Variants in ZNF780B observed in about 807,000 individuals in gnomAD.
The protein encoded by ZNF780B is zinc finger protein 780B.
In ZNF780B, 52 loss-of-function variants were observed where a neutral mutation model predicts 74.1. That is an observed-to-expected ratio of 0.70 (90% confidence interval 0.56 to 0.88). The LOEUF (loss-of-function observed/expected upper bound fraction) is 0.88, where lower values mean the gene tolerates loss of function less well. Among genes scored for constraint, ZNF780B ranks in the 40% least tolerant of loss-of-function variants. ZNF780B has a pLI of 0.00. For missense variants in ZNF780B, 953 were observed against 1,007.6 expected (o/e 0.95, Z 0.73); for synonymous variants, 315 against 324.3 (o/e 0.97, Z 0.31).
In ZNF780B at chr19:40,029,947, C is replaced by T. The variant is rs989524261; in HGVS notation, c.*4410G>A. On this transcript the variant is annotated 3_prime_UTR_variant, in exon 5 of 5. Transcript: ENST00000434248. ...ATTACTACAGGTGCTTCTCAACTTA[C>T]GGGGAGTTATGTCCAAATAAACCCA... The T allele has an allele frequency of 4.6e-5, 7 of 152,142 alleles. No individual in the cohort carries two copies. The highest frequency in any genetic ancestry group is 6.5e-5 in the Admixed American group (1 of 15,276). The allele number at this position is 152,142 out of a possible 1,614,324, so 9.4% of individuals were successfully genotyped here.
chr19:40,044,747 C>A (rs1972856102), intron 4 of ZNF780B, among the ~76,000 whole-genome samples: 2 of 152,070 alleles, frequency 1.3e-5, no homozygotes, highest in South Asian at 4.1e-4. Flanking sequence ...CTAAAGAAAA[C>A]AACCAAACCA....
At chr19:40,051,458 C>T (rs1973230543) in intron 1 of ZNF780B, among the ~76,000 whole-genome samples, 1 of 152,098 alleles carries the variant, frequency 6.6e-6, no homozygotes, top group African/African-American at 2.4e-5. Flanking sequence ...TTGACCAACA[C>T]TAAGATGTCT....
intron 4 of ZNF780B, among the ~76,000 whole-genome samples, chr19:40,045,559 T>C (rs1468393112): frequency 6.6e-6 from 1 of 152,176 alleles, no homozygotes; most frequent in Non-Finnish European, 1.5e-5. Flanking sequence ...ACCAAAGGTA[T>C]GGAATCAACC....
rs997194797 is a variant in ZNF780B, at chr19:40,028,305, C to T, written c.*6052G>A. On this transcript the variant is annotated 3_prime_UTR_variant, in exon 5 of 5. Transcript: ENST00000434248. Reference sequence around the variant, plus strand: ...TTATTAGAAAATGAGTTTGCAGAGCCCCCCCATCTACCATCCAGAAGTGGA... The same window carrying T: ...TTATTAGAAAATGAGTTTGCAGAGCTCCCCCATCTACCATCCAGAAGTGGA... 5.3e-5 allele frequency: 8 copies of T among 151,978 alleles called. No individual in the cohort carries two copies. The highest frequency in any genetic ancestry group is 1.0e-4 in the Non-Finnish European group (7 of 68,008). The allele number at this position is 151,978 out of a possible 1,614,324, so 9.4% of individuals were successfully genotyped here. A position where few individuals can be genotyped will look rare whatever the true frequency, so the allele number is the denominator to read the frequency against.
chr19:40,045,293 G>C (rs2144789866), intron 4 of ZNF780B, among the ~76,000 whole-genome samples: 1 of 152,224 alleles, frequency 6.6e-6, no homozygotes, highest in South Asian at 2.1e-4. Flanking sequence ...CATCTAGAGA[G>C]AAAATTAACA....
rs1449695995 is a variant in ZNF780B, at chr19:40,030,103, T to C, written c.*4254A>G. 6.6e-6 allele frequency: 1 copy of C among 152,168 alleles called. No individual in the cohort carries two copies. Among genetic ancestry groups the C allele is most frequent in the Admixed American group, 6.5e-5 (1 of 15,276 alleles). The allele number at this position is 152,168 out of a possible 1,614,324, so 9.4% of individuals were successfully genotyped here. A position where few individuals can be genotyped will look rare whatever the true frequency, so the allele number is the denominator to read the frequency against. ...ATACTCTGACTGAGTATGTCTTAGT[T>C]TTGTGTTGCTATAAAGGAATGTCTG... is the stretch of plus-strand genomic sequence containing the variant. On this transcript the variant is annotated 3_prime_UTR_variant, in exon 5 of 5. Coordinates refer to ENST00000434248, the MANE Select transcript of ZNF780B (RefSeq NM_001005851.3).
At chr19:40,042,271 G>A (rs940709274) in intron 4 of ZNF780B, among the ~76,000 whole-genome samples, 11 of 152,302 alleles carry the variant, frequency 7.2e-5, no homozygotes, top group South Asian at 6.2e-4. Flanking sequence ...CAAGAGATCC[G>A]CTGTTAGTTT....
intron 4 of ZNF780B, among the ~76,000 whole-genome samples, chr19:40,043,702 G>A (rs4803315): frequency 3.9e-5 from 6 of 152,200 alleles, no homozygotes; most frequent in Non-Finnish European, 5.9e-5. Flanking sequence ...AGGACCCTCC[G>A]AGCCATGTGC....
intron 1 of ZNF780B, among the ~76,000 whole-genome samples, chr19:40,053,531 C>T (rs1599802096): frequency 6.6e-6 from 1 of 152,066 alleles, no homozygotes; most frequent in Admixed American, 6.6e-5. Context: ...AATAGAACCA[C>T]CATATGATCC....
At chr19:40,050,270 CCTA>C in intron 2 of ZNF780B, 51 bp downstream of exon 2, 1 of 1,564,966 alleles carries the variant, frequency 6.4e-7, no homozygotes, top group Non-Finnish European at 8.7e-7. Context: ...ATAACAGTCA[CCTA>C]ACCTAACCTG....
At chr19:40,052,347 G>A (rs1397713887) in intron 1 of ZNF780B, among the ~76,000 whole-genome samples, 5 of 151,980 alleles carry the variant, frequency 3.3e-5, no homozygotes, top group African/African-American at 7.3e-5. Context: ...CATCACCCCC[G>A]CTGAGAATCA....
At chr19:40,047,498 AT>A in intron 3 of ZNF780B, 28 bp from the exon 4 acceptor site, 3 of 1,524,382 alleles carry the variant, frequency 2.0e-6, no homozygotes, top group African/African-American at 2.8e-5. Flanking sequence ...CACATGTAGA[AT>A]TTTTTTAATA....
chr19:40,049,286 C>T (rs1046643111), intron 2 of ZNF780B, among the ~76,000 whole-genome samples: 2 of 149,582 alleles, frequency 1.3e-5, no homozygotes, highest in Non-Finnish European at 3.0e-5. Context: ...TGAGGAATGC[C>T]GTTAATCCTC....
In ZNF780B at chr19:40,036,444, T is replaced by C. The variant is rs1385311601; in HGVS notation, c.415A>G (p.Ile139Val). 32 of 1,609,086 alleles carry C rather than the reference T, an allele frequency of 2.0e-5. No individual in the cohort carries two copies. Among genetic ancestry groups the C allele is most frequent in the Non-Finnish European group, 2.7e-5 (32 of 1,178,770 alleles). The change falls in exon 5 of 5, where the codon ATC becomes GTC. Residue 139 changes from isoleucine (I) to valine (V), a missense_variant. Coordinates refer to ENST00000434248, the MANE Select transcript of ZNF780B (RefSeq NM_001005851.3). ...EGRQGHQEGY[I>V]NQKIISYEEM... ...TCATAGCTGATGATCTTCTGGTTGA[T>C]ATATCCTTCTTGATGTCCCTGTCGT...
chr19:40,046,548 A>G (rs1008915043), intron 4 of ZNF780B, among the ~76,000 whole-genome samples: 1 of 152,186 alleles, frequency 6.6e-6, no homozygotes, highest in East Asian at 1.9e-4. Flanking sequence ...GCTCAGTCTG[A>G]CTAGAGTACT....
intron 1 of ZNF780B, among the ~76,000 whole-genome samples, chr19:40,053,274 A>G (rs917765888): frequency 1.3e-5 from 2 of 152,254 alleles, no homozygotes; most frequent in Non-Finnish European, 2.9e-5. Context: ...AACACATCTC[A>G]AAAGACGACA....
At position 40,035,458 on chromosome 19, in the gene ZNF780B, A is replaced by G. The variant is rs1214651581; in HGVS notation, c.1401T>C (p.His467=). 17 of 1,614,214 alleles carry G rather than the reference A, an allele frequency of 1.1e-5. No individual in the cohort carries two copies. Among genetic ancestry groups the G allele is most frequent in the Non-Finnish European group, 1.4e-5 (16 of 1,180,030 alleles). Residue 467 remains histidine, a synonymous_variant, in exon 5 of 5, where the codon CAT becomes CAC. Transcript: ENST00000434248. ...HYQLIQHCQI[H]TGGKPFECKE... is the part of the protein sequence containing the mutation. ...TACATTCAAAGGGTTTCCCACCAGTATGAATTTGGCAATGTTGAATAAGTT... is the reference window on the plus strand; with the variant it reads ...TACATTCAAAGGGTTTCCCACCAGTGTGAATTTGGCAATGTTGAATAAGTT...
intron 4 of ZNF780B, among the ~76,000 whole-genome samples, chr19:40,040,804 C>A (rs1022334236): frequency 2.0e-4 from 30 of 151,978 alleles, no homozygotes; most frequent in African/African-American, 7.2e-4. Flanking sequence ...TCTCTCTTTT[C>A]TTCTTTATTA....
rs2144681683 is a variant in ZNF780B at position 40,032,952 on chromosome 19, C to T, written c.*1405G>A. 6.6e-6 allele frequency: 1 copy of T among 152,486 alleles called. No homozygotes were observed. Among genetic ancestry groups the T allele is most frequent in the South Asian group, 2.1e-4 (1 of 4,832 alleles). The allele number at this position is 152,486 out of a possible 1,614,324, so 9.4% of individuals were successfully genotyped here. On this transcript the variant is annotated 3_prime_UTR_variant, in exon 5 of 5. Transcript: ENST00000434248. Reference sequence around the variant, plus strand: ...TATTCTCAATGGTCTAAAACTTATTCTCAATGGTACAACAAATATACAAAA... The same window carrying T: ...TATTCTCAATGGTCTAAAACTTATTTTCAATGGTACAACAAATATACAAAA...
Sources: gnomAD v4.1 joint callset for allele counts (sites outside exome capture counted in the v4.1 genomes callset) on GRCh38, gnomAD v4.1.1 for gene constraint, MANE v1.5 for transcripts, NCBI Gene and HGNC (gene_info 2026-07-23, HGNC 2026-07-21) for gene names.